The following BDH1 variants were observed in gnomAD, a reference collection of about 807,000 sequenced individuals.
BDH1 encodes 3-hydroxybutyrate dehydrogenase 1.
A neutral mutation model predicts 33.1 loss-of-function variants in BDH1; 30 were observed. The observed-to-expected ratio is 0.91, with a 90% confidence interval of 0.68 to 1.23. The LOEUF (loss-of-function observed/expected upper bound fraction) is 1.23, where lower values mean the gene tolerates loss of function less well. Ranked by LOEUF, BDH1 falls within the 50% of genes most tolerant of loss-of-function variation. BDH1 has a pLI of 0.00. For missense variants in BDH1, 443 were observed against 464.4 expected (o/e 0.95, Z 0.42); for synonymous variants, 190 against 183.6 (o/e 1.03, Z -0.28).
intron 6 of BDH1, among the ~76,000 whole-genome samples, chr3:197,517,340 C>A (rs1418368855): frequency 9.5e-6 from 1 of 105,014 alleles, no homozygotes; most frequent in Admixed American, 9.8e-5. Flanking sequence ...GTCTCCATCC[C>A]CCCCTCAGGC....
In BDH1 at chr3:197,521,236, G is replaced by A. The variant is rs939016125; in HGVS notation, c.409+1404C>T. Among the ~76,000 whole-genome samples the A allele has an allele frequency of 2.6e-5, 4 of 152,234 alleles. No homozygotes were observed. Among genetic ancestry groups the A allele is most frequent in the Admixed American group, 6.5e-5 (1 of 15,296 alleles). Reference sequence around the variant, plus strand: ...GCTCAAAGGTAAACTTCATAGATTCGCTTCTCCAGATGCTGCTGGGCGGCC... The same window carrying A: ...GCTCAAAGGTAAACTTCATAGATTCACTTCTCCAGATGCTGCTGGGCGGCC... On this transcript the variant is annotated intron_variant, in intron 6 of 7. Coordinates refer to ENST00000392379, the MANE Select transcript of BDH1 (RefSeq NM_203314.3). This position sits in a 1 kb window ranked among gnomAD's most constrained non-coding sequence, Gnocchi z 4.9.
chr3:197,531,988 C>T (rs769178304), intron 5 of BDH1, among the ~76,000 whole-genome samples: 1 of 152,184 alleles, frequency 6.6e-6, no homozygotes, highest in Non-Finnish European at 1.5e-5. Flanking sequence ...ATGTCACTTC[C>T]TCTGGCATGC....
chr3:197,525,498 T>C lies in BDH1; in HGVS notation c.268-2717A>G, dbSNP rs1428571282. Reference sequence around the variant, plus strand: ...ACTCCAAGTCAGTAAACTCTTAATTTGGCAGTTTGACAGTGAAGAGTCTTC... The same window carrying C: ...ACTCCAAGTCAGTAAACTCTTAATTCGGCAGTTTGACAGTGAAGAGTCTTC... On this transcript the variant is annotated intron_variant, in intron 5 of 7. Coordinates refer to ENST00000392379, the MANE Select transcript of BDH1 (RefSeq NM_203314.3). This position sits in a 1 kb window ranked among gnomAD's most constrained non-coding sequence, Gnocchi z 4.9. 6.6e-6 allele frequency among the ~76,000 whole-genome samples: 1 copy of C among 152,198 alleles called. No homozygotes were observed. The highest frequency in any genetic ancestry group is 1.5e-5 in the Non-Finnish European group (1 of 68,030).
At chr3:197,563,618 G>T (rs1283332588) in intron 1 of BDH1, among the ~76,000 whole-genome samples, 2 of 151,996 alleles carry the variant, frequency 1.3e-5, no homozygotes, top group East Asian at 3.8e-4. Flanking sequence ...AGAATCTAAA[G>T]TTATATTAAA....
chr3:197,573,214 G>A (rs1717667738), exon 1 of BDH1: 1 of 152,194 alleles, frequency 6.6e-6, no homozygotes, highest in South Asian at 2.1e-4. Flanking sequence ...CTATCAGCAT[G>A]CAGGATCCTC....
At chr3:197,535,456 C>T (rs1370022380) in intron 3 of BDH1, among the ~76,000 whole-genome samples, 2 of 152,208 alleles carry the variant, frequency 1.3e-5, no homozygotes, top group Admixed American at 1.3e-4. Context: ...GTAACCCAGA[C>T]TCTGCCACCA....
At chr3:197,524,451 G>A (rs1023160390) in intron 5 of BDH1, among the ~76,000 whole-genome samples, 2 of 152,184 alleles carry the variant, frequency 1.3e-5, no homozygotes, top group African/African-American at 4.8e-5. Context: ...CCCCGGGAAT[G>A]GAGAAATCAC....
intron 2 of BDH1, among the ~76,000 whole-genome samples, chr3:197,548,632 C>T (rs894407318): frequency 4.6e-5 from 7 of 152,052 alleles, no homozygotes; most frequent in African/African-American, 1.7e-4. Flanking sequence ...AGGTGGATCA[C>T]CTGAGGTCAT....
At chr3:197,555,722 G>T (rs955997614) in intron 1 of BDH1, 59 bp downstream of exon 1, 1 of 152,270 alleles carries the variant, frequency 6.6e-6, no homozygotes, top group African/African-American at 2.4e-5. Flanking sequence ...GAACCAAACC[G>T]AGTAGAGGGC....
chr3:197,522,365 G>A lies in BDH1; in HGVS notation c.409+275C>T, dbSNP rs1287620668. On this transcript the variant is annotated intron_variant, in intron 6 of 7. Transcript: ENST00000392379. This position sits in a 1 kb window ranked among gnomAD's most constrained non-coding sequence, Gnocchi z 4.8. The stretch of plus-strand genomic sequence containing the variant: ...CAACCCAGCTCCTGGGCCAGAGGGG[G>A]CATCAATGGGCATTGGCTGAACTGA... Among the ~76,000 whole-genome samples, 1 of 152,190 alleles carries A rather than the reference G, an allele frequency of 6.6e-6. No individual in the cohort carries two copies. Among genetic ancestry groups the A allele is most frequent in the Admixed American group, 6.5e-5 (1 of 15,290 alleles).
intron 1 of BDH1, among the ~76,000 whole-genome samples, chr3:197,571,435 T>C (rs1580027818): frequency 6.6e-6 from 1 of 152,334 alleles, no homozygotes; most frequent in East Asian, 1.9e-4. Flanking sequence ...AAATCTCATC[T>C]TGAATTATAG....
rs1456530059 is a variant in BDH1 at position 197,554,084 on chromosome 3, A to T, written c.-44+478T>A. 6.6e-6 allele frequency among the ~76,000 whole-genome samples: 1 copy of T among 152,184 alleles called. No individual in the cohort carries two copies. The highest frequency in any genetic ancestry group is 2.4e-5 in the African/African-American group (1 of 41,432). ...TCAACCGTTTGCTACACCATCCCTC[A>T]ACAAGCCCTGTACTTTCCAATTTTC... On this transcript the variant is annotated intron_variant, in intron 2 of 7. Coordinates refer to ENST00000392379, the MANE Select transcript of BDH1 (RefSeq NM_203314.3). This position sits in a 1 kb window ranked among gnomAD's most constrained non-coding sequence, Gnocchi z 4.4.
At chr3:197,536,631 A>G (rs140440667) in intron 3 of BDH1, among the ~76,000 whole-genome samples, 1,951 of 152,258 alleles carry the variant, frequency 0.013, 49 homozygotes, top group African/African-American at 0.044. Context: ...AACTGAGGTC[A>G]GGAGTTCAAG....
chr3:197,533,339 G>A (rs1023558502), intron 4 of BDH1, 150 bp downstream of exon 4: 24 of 756,878 alleles, frequency 3.2e-5, no homozygotes, highest in Non-Finnish European at 5.1e-5. Context: ...TTACTGATGA[G>A]GGGCTTTGGG....
Position 197,512,380 on chromosome 3 carries a change from G to A in BDH1, c.563-16C>T. 2 of 1,591,752 alleles carry A rather than the reference G, an allele frequency of 1.3e-6. No homozygotes were observed. The highest frequency in any genetic ancestry group is 1.7e-6 in the Non-Finnish European group (2 of 1,172,856). Reference sequence around the variant, plus strand: ...ACGACGCGGCCTACAGAGGGAGACAGAGGTACCTGCTAAGCCGTTACTGCC... The same window carrying A: ...ACGACGCGGCCTACAGAGGGAGACAAAGGTACCTGCTAAGCCGTTACTGCC... On this transcript the variant is annotated splice_polypyrimidine_tract_variant and intron_variant, in intron 7 of 7. Transcript: ENST00000392379.
At position 197,522,563 on chromosome 3, in the gene BDH1, AGTGGAAGGTG is replaced by A. The variant is rs949651037; in HGVS notation, c.409+67_409+76del. The A allele has an allele frequency of 1.5e-5, 24 of 1,577,986 alleles. No homozygotes were observed. In the African/African-American group the frequency reaches 3.0e-4, roughly 19 times the overall value. On this transcript the variant is annotated intron_variant, in intron 6 of 7. Coordinates refer to ENST00000392379, the MANE Select transcript of BDH1 (RefSeq NM_203314.3). This position sits in a 1 kb window ranked among gnomAD's most constrained non-coding sequence, Gnocchi z 4.8. ...GGAGTGTGGTGGCAGGATGCCAGCC[AGTGGAAGGTG>A]GTGTTCGGCAAGTGCCCCTTGGAAT...
intron 2 of BDH1, among the ~76,000 whole-genome samples, chr3:197,551,443 T>C (rs1322385148): frequency 1.3e-5 from 2 of 152,250 alleles, no homozygotes; most frequent in Admixed American, 6.5e-5. Flanking sequence ...ATTGTGTATA[T>C]GTACCACATT....
rs151239828 is a variant in BDH1, at chr3:197,565,080, G to A, written c.-44+8101C>T. Among the ~76,000 whole-genome samples, 709 of 152,170 alleles carry A rather than the reference G, an allele frequency of 4.7e-3. 7 individuals are homozygous for A. The highest frequency in any genetic ancestry group is 0.016 in the African/African-American group (672 of 41,506). ...TGAGATTACAGGCATGTGCCACCAC[G>A]CCTGGCTAATTTTGTATTTTTAGTA... is the stretch of plus-strand genomic sequence containing the variant. On this transcript the variant is annotated intron_variant, in intron 1 of 6. Transcript: ENST00000358186.
At chr3:197,534,823 T>C (rs185518354) in intron 3 of BDH1, among the ~76,000 whole-genome samples, 70 of 152,366 alleles carry the variant, frequency 4.6e-4, no homozygotes, top group African/African-American at 1.7e-3. Flanking sequence ...ATTTCCCTAA[T>C]GGCTAATGAT....
Sources: allele counts gnomAD v4.1 joint callset (sites outside exome capture counted in the v4.1 genomes callset), GRCh38; gene constraint gnomAD v4.1.1; non-coding constraint Gnocchi (gnomAD v3.1); transcripts MANE v1.5; gene names NCBI Gene and HGNC (gene_info 2026-07-23, HGNC 2026-07-21).